The following ST7 variants were observed in gnomAD, a reference collection of about 807,000 sequenced individuals.
ST7 encodes suppressor of tumorigenicity 7 protein.
Under a neutral mutation model 78.7 loss-of-function variants are expected in ST7, and 28 were observed. That is an observed-to-expected ratio of 0.36 (90% CI 0.26 to 0.49). The LOEUF (loss-of-function observed/expected upper bound fraction) is 0.49, where lower values mean the gene tolerates loss of function less well. ST7 is among the 20% of genes least tolerant of loss of function. ST7 has a pLI of 0.99. For missense variants in ST7, 418 were observed against 696.0 expected, an observed-to-expected ratio of 0.60 and a Z score of 4.49; for synonymous variants, 247 against 249.6, an observed-to-expected ratio of 0.99 and a Z score of 0.10.
chr7:117,037,770 T>C (rs948544372), intron 1 of ST7, among the ~76,000 whole-genome samples: 4 of 152,224 alleles, frequency 2.6e-5, no homozygotes, highest in Non-Finnish European at 5.9e-5. Context: ...TTAAATCCAG[T>C]ATCTGACATT....
intron 13 of ST7, among the ~76,000 whole-genome samples, chr7:117,212,251 G>C (rs924894947): frequency 2.0e-5 from 3 of 152,196 alleles, no homozygotes; most frequent in Admixed American, 6.5e-5. Flanking sequence ...TCTGAGTTAG[G>C]CCGGACAGAG....
intron 1 of ST7, among the ~76,000 whole-genome samples, chr7:117,059,734 G>A (rs1286014444): frequency 6.8e-6 from 1 of 146,164 alleles, no homozygotes; most frequent in Non-Finnish European, 1.5e-5. Context: ...ACTTTGGGAG[G>A]CCAAAGTGGG....
At chr7:117,160,786 T>G (rs1328689808) in intron 9 of ST7, among the ~76,000 whole-genome samples, 1 of 152,098 alleles carries the variant, frequency 6.6e-6, no homozygotes, top group East Asian at 1.9e-4. Context: ...TTAGGTAGTC[T>G]TATCTAGCCT....
chr7:117,192,800 A>G (rs1474518446), intron 12 of ST7, among the ~76,000 whole-genome samples: 1 of 152,184 alleles, frequency 6.6e-6, no homozygotes, highest in East Asian at 1.9e-4. Flanking sequence ...TAAAAGCCCT[A>G]AGAAACACTT....
intron 9 of ST7, among the ~76,000 whole-genome samples, chr7:117,141,829 C>G (rs1805332012): frequency 6.6e-6 from 1 of 152,022 alleles, no homozygotes; most frequent in South Asian, 2.1e-4. Context: ...ACCATCATGC[C>G]TGGCTAATTT....
At chr7:117,197,794 A>G (rs1441226238) in intron 12 of ST7, among the ~76,000 whole-genome samples, 1 of 152,248 alleles carries the variant, frequency 6.6e-6, no homozygotes, top group Non-Finnish European at 1.5e-5. Context: ...AAGGAGAGCT[A>G]TGAAGTATCA....
At chr7:117,101,360 G>C (rs1443034888) in intron 2 of ST7, among the ~76,000 whole-genome samples, 2 of 152,156 alleles carry the variant, frequency 1.3e-5, no homozygotes, top group African/African-American at 4.8e-5. Flanking sequence ...ACTCACATAA[G>C]AGCTTGTGTC....
chr7:117,092,172 G>T (rs1044276004), intron 1 of ST7, among the ~76,000 whole-genome samples: 3 of 151,536 alleles, frequency 2.0e-5, no homozygotes, highest in African/African-American at 7.3e-5. Flanking sequence ...CCAGCTACTC[G>T]GGAGGCTGAG....
rs990573881 is a variant in ST7 at position 117,089,241 on chromosome 7, A to T, written c.152-10521A>T. 2.6e-5 allele frequency among the ~76,000 whole-genome samples: 4 copies of T among 152,328 alleles called. No homozygotes were observed. In the East Asian group the frequency reaches 7.7e-4, roughly 29 times the overall value. ...CCACAAAACCTAGAGCTCCTTGAGG[A>T]TAAGAACTATGTATATATCATATAT... On this transcript the variant is annotated intron_variant, in intron 1 of 15. Transcript: ENST00000323984.
chr7:117,226,980 A>C (rs1022685271), intron 15 of ST7, among the ~76,000 whole-genome samples: 3 of 152,228 alleles, frequency 2.0e-5, no homozygotes, highest in Admixed American at 2.0e-4. Flanking sequence ...GCTGTGCAGC[A>C]TGGGGAAAAG....
At chr7:117,229,676 A>C (rs1200055412) in intron 15 of ST7, 86 bp from the exon 16 acceptor site, 13 of 1,081,964 alleles carry the variant, frequency 1.2e-5, no homozygotes, top group Non-Finnish European at 1.7e-5. Context: ...GCAGAGACTT[A>C]AGCTGCAAGC....
intron 1 of ST7, among the ~76,000 whole-genome samples, chr7:117,071,784 A>T (rs1360729849): frequency 6.6e-6 from 1 of 152,246 alleles, no homozygotes; most frequent in Non-Finnish European, 1.5e-5. Flanking sequence ...GTCATTAGTT[A>T]GCATGTTTAC....
In ST7 at chr7:117,126,365, G is replaced by A. The variant is rs183567997; in HGVS notation, c.395-3428G>A. Among the ~76,000 whole-genome samples, 12 of 150,946 alleles carry A rather than the reference G, an allele frequency of 7.9e-5. No homozygotes were observed. In the East Asian group the frequency reaches 2.3e-3, roughly 29 times the overall value. On this transcript the variant is annotated intron_variant, in intron 3 of 15. Transcript: ENST00000323984. ...TCTGTGACTATAGAGCCTTTTTTTTGTTTGTTTTATGAGAATTGAGTTCTC... is the reference window on the plus strand; with the variant it reads ...TCTGTGACTATAGAGCCTTTTTTTTATTTGTTTTATGAGAATTGAGTTCTC...
chr7:117,014,915 CG>C, intron 1 of ST7: 1 of 1,199,444 alleles, frequency 8.3e-7, no homozygotes, highest in Non-Finnish European at 1.1e-6. Context: ...TTCCCCAGAA[CG>C]GTTCGTCAGT....
chr7:117,061,431 A>AG (rs1798347461), intron 1 of ST7, among the ~76,000 whole-genome samples: 1 of 152,116 alleles, frequency 6.6e-6, no homozygotes, highest in East Asian at 1.9e-4. Context: ...GGGGTAGGGG[A>AG]GGGGTAGTAG....
chr7:117,040,331 C>G (rs1447423706), intron 1 of ST7, among the ~76,000 whole-genome samples: 1 of 151,882 alleles, frequency 6.6e-6, no homozygotes, highest in African/African-American at 2.4e-5. Flanking sequence ...GAAATCGCAG[C>G]CACTGCACTC....
At chr7:116,977,419 G>A (rs1222239495) in intron 1 of ST7, among the ~76,000 whole-genome samples, 1 of 152,190 alleles carries the variant, frequency 6.6e-6, no homozygotes, top group African/African-American at 2.4e-5. Context: ...GGTCTTGCTG[G>A]AGAGCTGCAT....
At chr7:117,093,490 C>T (rs1800785820) in intron 1 of ST7, among the ~76,000 whole-genome samples, 1 of 152,138 alleles carries the variant, frequency 6.6e-6, no homozygotes, top group Admixed American at 6.5e-5. Context: ...TCAGTGAGGT[C>T]AGGAGTTTGA....
intron 1 of ST7, among the ~76,000 whole-genome samples, chr7:116,974,570 C>T (rs927037913): frequency 2.6e-5 from 4 of 152,130 alleles, no homozygotes; most frequent in Non-Finnish European, 4.4e-5. Flanking sequence ...GGATTACAGG[C>T]GTGAGCCACT....
Sources: allele counts gnomAD v4.1 joint callset (sites outside exome capture counted in the v4.1 genomes callset), GRCh38; gene constraint gnomAD v4.1.1; transcripts MANE v1.5; gene names NCBI Gene and HGNC (gene_info 2026-07-23, HGNC 2026-07-21).